NTM: variants seen among roughly 807,000 people sequenced by gnomAD.
NTM encodes IgLON family member 2.
Under a neutral mutation model 42.1 loss-of-function variants are expected in NTM, and 13 were observed. The observed-to-expected ratio is 0.31, with a 90% CI of 0.20 to 0.49. The LOEUF (loss-of-function observed/expected upper bound fraction) is 0.49. Ranked by LOEUF, NTM falls within the 20% of genes least tolerant of loss-of-function variation. The pLI is 0.99. For missense variants in NTM, 373 were observed against 452.8 expected (o/e 0.82, Z 1.60); for synonymous variants, 187 against 179.2 (o/e 1.04, Z -0.35).
At chr11:131,942,195 G>T (rs1254379195) in intron 2 of NTM, among the ~76,000 whole-genome samples, 1 of 152,208 alleles carries the variant, frequency 6.6e-6, no homozygotes, top group African/African-American at 2.4e-5. Flanking sequence ...AGCAGAGAGA[G>T]AGTGGATTAG....
intron 1 of NTM, among the ~76,000 whole-genome samples, chr11:131,751,515 G>A (rs555420125): frequency 6.6e-6 from 1 of 152,032 alleles, no homozygotes; most frequent in South Asian, 2.1e-4. Flanking sequence ...GCGTGAACCT[G>A]GGAGGCGGAG....
intron 1 of NTM, among the ~76,000 whole-genome samples, chr11:131,842,602 A>G (rs1277320586): frequency 6.6e-6 from 1 of 152,226 alleles, no homozygotes; most frequent in Non-Finnish European, 1.5e-5. Flanking sequence ...AAAAATCTTG[A>G]ACTGACCTTT....
At chr11:132,194,216 CA>C (rs2079795338) in intron 3 of NTM, among the ~76,000 whole-genome samples, 1 of 152,146 alleles carries the variant, frequency 6.6e-6, no homozygotes, top group African/African-American at 2.4e-5. Flanking sequence ...CAAAAATCCT[CA>C]GCAAAATACT....
At chr11:132,074,155 C>G (rs964296507) in intron 2 of NTM, among the ~76,000 whole-genome samples, 2 of 152,184 alleles carry the variant, frequency 1.3e-5, no homozygotes, top group African/African-American at 4.8e-5. Flanking sequence ...AGATGCCTTT[C>G]TGTGTTGGAA....
chr11:131,752,536 TG>T, intron 1 of NTM, among the ~76,000 whole-genome samples: 1 of 152,342 alleles, frequency 6.6e-6, no homozygotes, highest in Non-Finnish European at 1.5e-5. Context: ...ATCCCATTAC[TG>T]GGTATATACC....
Position 132,202,845 on chromosome 11 carries a change from G to GA in NTM, c.401-9171dup, listed in dbSNP as rs1044778411. ...GAAGCACTGGTTTATGACTAATCCT[G>GA]AAAAAATCACTAGGTTTTTTTCCTA... On this transcript the variant is annotated intron_variant, in intron 3 of 8. Transcript: ENST00000683400. 2.0e-5 allele frequency among the ~76,000 whole-genome samples: 3 copies of GA among 152,104 alleles called. No individual in the cohort carries two copies. In the East Asian group the frequency reaches 5.8e-4, roughly 29 times the overall value.
At chr11:131,373,949 T>A (rs1349972750) in intron 1 of NTM, among the ~76,000 whole-genome samples, 1 of 152,160 alleles carries the variant, frequency 6.6e-6, no homozygotes, top group Non-Finnish European at 1.5e-5. Context: ...GTGGGCGCCG[T>A]TCGGCTGGGC....
intron 1 of NTM, among the ~76,000 whole-genome samples, chr11:131,612,653 A>G (rs2061552928): frequency 6.6e-6 from 1 of 152,228 alleles, no homozygotes; most frequent in Non-Finnish European, 1.5e-5. Flanking sequence ...AGCACTTTAC[A>G]TTGTTACCTC....
At chr11:131,767,778 C>T (rs2085350932) in intron 1 of NTM, among the ~76,000 whole-genome samples, 1 of 152,124 alleles carries the variant, frequency 6.6e-6, no homozygotes, top group Non-Finnish European at 1.5e-5. Flanking sequence ...ACCCATTTGC[C>T]CGACACATGG....
At chr11:131,764,951 G>A (rs1394657433) in intron 1 of NTM, among the ~76,000 whole-genome samples, 1 of 152,066 alleles carries the variant, frequency 6.6e-6, no homozygotes, top group African/African-American at 2.4e-5. Flanking sequence ...TCCTATAAGG[G>A]AGCTGTGATT....
At chr11:131,428,068 G>A (rs559138944) in intron 1 of NTM, among the ~76,000 whole-genome samples, 1 of 152,258 alleles carries the variant, frequency 6.6e-6, no homozygotes, top group African/African-American at 2.4e-5. Context: ...CTGGGATCGA[G>A]GTTCATGTTT....
intron 1 of NTM, among the ~76,000 whole-genome samples, chr11:131,841,784 C>CGTGGGAAGTA (rs1565618425): frequency 6.6e-6 from 1 of 151,926 alleles, no homozygotes; most frequent in East Asian, 1.9e-4. Context: ...CTGGGGTCAG[C>CGTGGGAAGTA]GTGGGAAGTA....
At chr11:131,545,047 T>A (rs1276573941) in intron 1 of NTM, among the ~76,000 whole-genome samples, 1 of 152,244 alleles carries the variant, frequency 6.6e-6, no homozygotes, top group African/African-American at 2.4e-5. Context: ...GGGTAATATG[T>A]CTTCTATCAC....
intron 1 of NTM, among the ~76,000 whole-genome samples, chr11:131,759,676 T>A (rs2083842279): frequency 6.6e-6 from 1 of 152,152 alleles, no homozygotes; most frequent in African/African-American, 2.4e-5. Flanking sequence ...AAGATTTTTT[T>A]TTTTTTTAAT....
chr11:132,174,914 T>C (rs2076583256), intron 3 of NTM, among the ~76,000 whole-genome samples: 1 of 152,106 alleles, frequency 6.6e-6, no homozygotes, highest in South Asian at 2.1e-4. Context: ...GAATTCATCA[T>C]AATCACATGC....
chr11:132,086,727 A>G lies in NTM; in HGVS notation c.168-59555A>G, dbSNP rs749856241. 2.6e-5 allele frequency among the ~76,000 whole-genome samples: 4 copies of G among 152,228 alleles called. No individual in the cohort carries two copies. In the South Asian group the frequency reaches 6.2e-4, roughly 24 times the overall value. ...AACAGTGATCCTTATCATTCCTTTT[A>G]CTGGTTTGCACAGGGAGAGAGGGGC... On this transcript the variant is annotated intron_variant, in intron 2 of 8. Coordinates refer to ENST00000683400, the MANE Select transcript of NTM (RefSeq NM_001352005.2).
At chr11:132,204,009 G>T (rs2081564619) in intron 3 of NTM, among the ~76,000 whole-genome samples, 1 of 152,220 alleles carries the variant, frequency 6.6e-6, no homozygotes, top group African/African-American at 2.4e-5. Context: ...CATCTGTAAA[G>T]TGTGGGAACT....
intron 1 of NTM, among the ~76,000 whole-genome samples, chr11:131,392,693 G>A (rs1176587496): frequency 6.6e-6 from 1 of 152,186 alleles, no homozygotes; most frequent in Admixed American, 6.5e-5. Context: ...CTGGACGCCT[G>A]TTGCCTGTTC....
chr11:131,801,299 T>C (rs1048157343), intron 1 of NTM, among the ~76,000 whole-genome samples: 1 of 152,160 alleles, frequency 6.6e-6, no homozygotes, highest in Admixed American at 6.5e-5. Context: ...TTGAATCAAT[T>C]GTGTGTTGGG....
Sources: gnomAD v4.1 joint callset for allele counts (sites outside exome capture counted in the v4.1 genomes callset) on GRCh38, gnomAD v4.1.1 for gene constraint, MANE v1.5 for transcripts, NCBI Gene and HGNC (gene_info 2026-07-23, HGNC 2026-07-21) for gene names.